The following GSG1L variants were observed in gnomAD, a reference collection of about 807,000 sequenced individuals.
The protein encoded by GSG1L is germ cell-specific gene 1-like protein.
GSG1L carries 24 observed loss-of-function variants against 42.1 expected under a neutral mutation model. That is an observed-to-expected ratio of 0.57 (90% CI 0.41 to 0.80). The LOEUF (loss-of-function observed/expected upper bound fraction) is 0.80, where lower values mean the gene tolerates loss of function less well. Among genes scored for constraint, GSG1L ranks in the 30% least tolerant of loss-of-function variants. The pLI, the probability that GSG1L is intolerant of heterozygous loss-of-function variation, is 0.00. For missense variants in GSG1L, 445 were observed against 472.2 expected (o/e 0.94, Z 0.53); for synonymous variants, 215 against 203.5 (o/e 1.06, Z -0.48).
At chr16:28,047,487 G>A (rs1390602667) in intron 1 of GSG1L, among the ~76,000 whole-genome samples, 1 of 152,074 alleles carries the variant, frequency 6.6e-6, no homozygotes, top group African/African-American at 2.4e-5. Flanking sequence ...GAAATAAATA[G>A]TATTTGTTTA....
At chr16:27,962,057 G>A (rs1218159196) in intron 2 of GSG1L, among the ~76,000 whole-genome samples, 11 of 152,198 alleles carry the variant, frequency 7.2e-5, no homozygotes, top group Admixed American at 6.5e-4. Context: ...GCTATCTGAA[G>A]AGACATGCAT....
At chr16:27,913,856 G>A (rs552107348) in intron 2 of GSG1L, among the ~76,000 whole-genome samples, 18 of 152,024 alleles carry the variant, frequency 1.2e-4, no homozygotes, top group Non-Finnish European at 2.4e-4. Flanking sequence ...TTTTTTCTAC[G>A]TATTTTCTAA....
In GSG1L at chr16:28,040,985, A is replaced by G. The variant is rs773898387; in HGVS notation, c.349+22091T>C. On this transcript the variant is annotated intron_variant, in intron 1 of 6. Coordinates refer to ENST00000447459, the MANE Select transcript of GSG1L (RefSeq NM_001109763.2). This position sits in a 1 kb window ranked among gnomAD's most constrained non-coding sequence, Gnocchi z 4.1. ...CACCTCCGTGTCCTCTCAATCTCACATCAACCCCTAAGATGTTTGGTTTTT... is the reference window on the plus strand; with the variant it reads ...CACCTCCGTGTCCTCTCAATCTCACGTCAACCCCTAAGATGTTTGGTTTTT... 1.3e-5 allele frequency among the ~76,000 whole-genome samples: 2 copies of G among 152,242 alleles called. No individual in the cohort carries two copies. Among genetic ancestry groups the G allele is most frequent in the Non-Finnish European group, 2.9e-5 (2 of 68,046 alleles).
intron 5 of GSG1L, among the ~76,000 whole-genome samples, chr16:27,824,377 G>A (rs558212737): frequency 1.6e-4 from 25 of 152,224 alleles, no homozygotes; most frequent in African/African-American, 4.1e-4. Flanking sequence ...TCTGTCCCCC[G>A]TGGAGGAGAA....
In GSG1L at chr16:27,916,662, G is replaced by A. The variant is rs188643743; in HGVS notation, c.398-32024C>T. On this transcript the variant is annotated intron_variant, in intron 2 of 6. Transcript: ENST00000447459. ...TGAAAGTATCTCTCCAAAAATTCAT[G>A]GGCACCAGAATTCCCATCTCAGGCT... 4.5e-4 allele frequency among the ~76,000 whole-genome samples: 68 copies of A among 152,072 alleles called. 1 individual carries two copies. Among genetic ancestry groups the A allele is most frequent in the African/African-American group, 1.4e-3 (60 of 41,498 alleles).
chr16:27,929,732 G>C (rs2084634956), intron 2 of GSG1L, among the ~76,000 whole-genome samples: 1 of 152,158 alleles, frequency 6.6e-6, no homozygotes, highest in Admixed American at 6.5e-5. Flanking sequence ...TGATGCTGCT[G>C]TTACTGATAC....
intron 3 of GSG1L, among the ~76,000 whole-genome samples, chr16:27,850,816 T>G (rs2083504672): frequency 6.6e-6 from 1 of 151,984 alleles, no homozygotes. Flanking sequence ...TTTTTATTTT[T>G]TTTTTGTACA....
Position 28,063,580 on chromosome 16 carries a change from C to A in GSG1L, c.-156G>T, listed in dbSNP as rs1029726981. 5 of 223,984 alleles carry A rather than the reference C, an allele frequency of 2.2e-5. No individual in the cohort carries two copies. In the East Asian group the frequency reaches 5.4e-4, roughly 24 times the overall value. 13.9% of individuals were successfully genotyped at this position (223,984 alleles called of 1,614,324 possible). A position where few individuals can be genotyped will look rare whatever the true frequency, so the allele number is the denominator to read the frequency against. On this transcript the variant is annotated 5_prime_UTR_variant, in exon 1 of 7. Transcript: ENST00000447459. The surrounding 1 kb of genome is among the most constrained non-coding windows in gnomAD (Gnocchi z 5.8). Reference sequence around the variant, plus strand: ...GGACGCGGCGCGGGCCCATGCCCCCCCCAACCCCGGGGTGGGGGCGCGGCG... The same window carrying A: ...GGACGCGGCGCGGGCCCATGCCCCCACCAACCCCGGGGTGGGGGCGCGGCG...
intron 6 of GSG1L, among the ~76,000 whole-genome samples, chr16:27,794,290 T>C (rs1420737818): frequency 4.6e-5 from 7 of 152,100 alleles, no homozygotes; most frequent in Admixed American, 4.6e-4. Context: ...AGCCCTGGAA[T>C]TACAGGTGTG....
At chr16:27,807,124 A>G (rs1254217401) in intron 6 of GSG1L, among the ~76,000 whole-genome samples, 2 of 152,196 alleles carry the variant, frequency 1.3e-5, no homozygotes, top group African/African-American at 4.8e-5. Context: ...CTCAGCTCAA[A>G]CAACTCCTGT....
chr16:28,051,623 G>A (rs1329705915), intron 1 of GSG1L, among the ~76,000 whole-genome samples: 1 of 152,138 alleles, frequency 6.6e-6, no homozygotes, highest in Non-Finnish European at 1.5e-5. Flanking sequence ...GGAAGTGATG[G>A]TGTGGAAATC....
At position 27,792,317 on chromosome 16, in the gene GSG1L, G is replaced by A. The variant is rs113918826; in HGVS notation, c.899-850C>T. On this transcript the variant is annotated intron_variant, in intron 6 of 6. Transcript: ENST00000447459. Reference sequence around the variant, plus strand: ...TGGGTGTGCCCTAAGCTGACTCTGAGAAACTCTCTGGGCACCGAGGCAGGG... The same window carrying A: ...TGGGTGTGCCCTAAGCTGACTCTGAAAAACTCTCTGGGCACCGAGGCAGGG... Among the ~76,000 whole-genome samples the A allele has an allele frequency of 5.9e-3, 905 of 152,224 alleles. 4 individuals carry two copies. The highest frequency in any genetic ancestry group is 0.017 in the African/African-American group (686 of 41,524).
intron 4 of GSG1L, among the ~76,000 whole-genome samples, chr16:27,837,480 T>C (rs1396975720): frequency 1.3e-5 from 2 of 152,202 alleles, no homozygotes; most frequent in African/African-American, 2.4e-5. Flanking sequence ...CCTCTGCTGA[T>C]ACCTGGCTGG....
At chr16:27,825,697 T>C (rs1204133659) in intron 5 of GSG1L, among the ~76,000 whole-genome samples, 1 of 152,100 alleles carries the variant, frequency 6.6e-6, no homozygotes, top group Non-Finnish European at 1.5e-5. Flanking sequence ...GTTCCCATAA[T>C]CCTCATCTGT....
intron 3 of GSG1L, among the ~76,000 whole-genome samples, chr16:27,849,776 C>A (rs1242186144): frequency 1.3e-5 from 2 of 152,008 alleles, no homozygotes; most frequent in Non-Finnish European, 2.9e-5. Context: ...CTCAAGTGAT[C>A]CTCCAGCCCA....
chr16:27,882,986 G>A (rs779132872), intron 3 of GSG1L, among the ~76,000 whole-genome samples: 21 of 151,932 alleles, frequency 1.4e-4, no homozygotes, highest in Non-Finnish European at 2.5e-4. Flanking sequence ...CGGGGGGATG[G>A]GGGTTGCCTA....
intron 2 of GSG1L, among the ~76,000 whole-genome samples, chr16:27,956,282 C>G (rs909995127): frequency 3.3e-5 from 5 of 152,140 alleles, no homozygotes; most frequent in Admixed American, 3.3e-4. Context: ...TGATGCCAAC[C>G]AGGTTATAGA....
chr16:27,868,428 G>A (rs1051139771), intron 3 of GSG1L, among the ~76,000 whole-genome samples: 1 of 152,226 alleles, frequency 6.6e-6, no homozygotes, highest in Admixed American at 6.5e-5. Context: ...CAGGGGATAT[G>A]GCCGTAAATA....
intron 5 of GSG1L, among the ~76,000 whole-genome samples, chr16:27,826,151 G>A (rs1406275087): frequency 1.3e-5 from 2 of 152,176 alleles, no homozygotes; most frequent in Non-Finnish European, 1.5e-5. Flanking sequence ...ACAGTAAGTA[G>A]AAAGGTCCCA....
Sources: gnomAD v4.1 joint callset for allele counts (sites outside exome capture counted in the v4.1 genomes callset) on GRCh38, gnomAD v4.1.1 for gene constraint, Gnocchi (gnomAD v3.1) non-coding constraint, MANE v1.5 for transcripts, NCBI Gene and HGNC (gene_info 2026-07-23, HGNC 2026-07-21) for gene names.